The following TAFA1 variants were observed in gnomAD, a reference collection of about 807,000 sequenced individuals.
TAFA1 encodes TAFA chemokine like family member 1.
TAFA1 carries 4 observed loss-of-function variants against 18.5 expected under a neutral mutation model. That is an observed-to-expected ratio of 0.22 (90% CI 0.11 to 0.49). The LOEUF (loss-of-function observed/expected upper bound fraction) is 0.49, where lower values mean the gene tolerates loss of function less well. Among genes scored for constraint, TAFA1 ranks in the 20% least tolerant of loss-of-function variants. TAFA1 has a pLI of 0.98. For missense variants in TAFA1, 147 were observed against 169.0 expected (o/e 0.87, Z 0.72); for synonymous variants, 56 against 55.2 (o/e 1.01, Z -0.06).
chr3:68,511,688 T>C (rs2668156), intron 3 of TAFA1, among the ~76,000 whole-genome samples: 32,483 of 151,986 alleles, frequency 0.21, 3,579 homozygotes, highest in Middle Eastern at 0.23. Flanking sequence ...GATAGTTGAA[T>C]GTTTTCCTGG....
At chr3:68,393,220 A>G (rs2070299552) in intron 2 of TAFA1, among the ~76,000 whole-genome samples, 1 of 152,216 alleles carries the variant, frequency 6.6e-6, no homozygotes, top group Non-Finnish European at 1.5e-5. Flanking sequence ...AGAGAATACT[A>G]TAAACAACTG....
intron 2 of TAFA1, among the ~76,000 whole-genome samples, chr3:68,108,644 C>T (rs2065231044): frequency 6.6e-6 from 1 of 152,038 alleles, no homozygotes; most frequent in Non-Finnish European, 1.5e-5. Context: ...CAGCATAAAG[C>T]TTGACAAGCA....
At chr3:67,999,096 A>G in the TAFA1 span, among the ~76,000 whole-genome samples, 2 of 152,160 alleles carry the variant, frequency 1.3e-5, no homozygotes, top group African/African-American at 4.8e-5. Flanking sequence ...TATCAACCAG[A>G]TGTGGCTATT....
At chr3:68,079,395 T>G in intron 2 of TAFA1, among the ~76,000 whole-genome samples, 1 of 152,204 alleles carries the variant, frequency 6.6e-6, no homozygotes. Context: ...GTTCTTTTAA[T>G]TGTGATGTTA....
At chr3:68,467,056 C>T (rs1421738929) in intron 3 of TAFA1, among the ~76,000 whole-genome samples, 1 of 152,090 alleles carries the variant, frequency 6.6e-6, no homozygotes, top group Non-Finnish European at 1.5e-5. Flanking sequence ...ATTTCTCTTA[C>T]CCATTTTCGG....
chr3:68,468,355 C>T (rs982924513), intron 3 of TAFA1, among the ~76,000 whole-genome samples: 2 of 152,186 alleles, frequency 1.3e-5, no homozygotes, highest in Non-Finnish European at 2.9e-5. Flanking sequence ...GAAGAACATA[C>T]TTTTCTTTCA....
intron 2 of TAFA1, among the ~76,000 whole-genome samples, chr3:68,143,699 G>A (rs1359883800): frequency 6.6e-6 from 1 of 152,130 alleles, no homozygotes; most frequent in Non-Finnish European, 1.5e-5. Context: ...CCCTGGTTGA[G>A]AGCCACTGAG....
At chr3:68,296,607 C>A (rs1268575619) in intron 2 of TAFA1, among the ~76,000 whole-genome samples, 2 of 152,082 alleles carry the variant, frequency 1.3e-5, no homozygotes, top group Non-Finnish European at 2.9e-5. Flanking sequence ...CCTGCATAGG[C>A]CCTTAACAAA....
chr3:68,198,620 G>A (rs1277759867), intron 2 of TAFA1, among the ~76,000 whole-genome samples: 1 of 151,348 alleles, frequency 6.6e-6, no homozygotes, highest in Non-Finnish European at 1.5e-5. Context: ...TTTTTCTGAT[G>A]ACATATGATC....
chr3:68,149,607 T>G (rs2065781441), intron 2 of TAFA1, among the ~76,000 whole-genome samples: 2 of 152,146 alleles, frequency 1.3e-5, no homozygotes, highest in African/African-American at 4.8e-5. Flanking sequence ...GTTGTGGGAA[T>G]GAATAGAGCA....
chr3:68,275,682 T>A, intron 2 of TAFA1, among the ~76,000 whole-genome samples: 1 of 151,926 alleles, frequency 6.6e-6, no homozygotes. Context: ...GAGACCTGAA[T>A]GGGACAAAAG....
intron 3 of TAFA1, among the ~76,000 whole-genome samples, chr3:68,534,293 A>G (rs2073237240): frequency 6.6e-6 from 1 of 152,114 alleles, no homozygotes; most frequent in Admixed American, 6.6e-5. Context: ...TTGCTAGCCA[A>G]ATTTCTCTTC....
At chr3:68,353,716 A>G (rs2069312629) in intron 2 of TAFA1, among the ~76,000 whole-genome samples, 1 of 152,048 alleles carries the variant, frequency 6.6e-6, no homozygotes, top group South Asian at 2.1e-4. Flanking sequence ...GGGAAGGAAG[A>G]GGAAGCATTC....
chr3:68,263,949 A>G (rs1253322610), intron 2 of TAFA1, among the ~76,000 whole-genome samples: 3 of 152,204 alleles, frequency 2.0e-5, no homozygotes, highest in Non-Finnish European at 2.9e-5. Flanking sequence ...GCCAAATAAC[A>G]GCTATATAGA....
chr3:68,235,408 A>T (rs2066917063), intron 2 of TAFA1, among the ~76,000 whole-genome samples: 1 of 151,954 alleles, frequency 6.6e-6, no homozygotes, highest in African/African-American at 2.4e-5. Context: ...GTGTTATTTA[A>T]TTTTTTTTCA....
At chr3:68,202,927 T>A (rs2066484653) in intron 2 of TAFA1, among the ~76,000 whole-genome samples, 1 of 151,748 alleles carries the variant, frequency 6.6e-6, no homozygotes, top group Non-Finnish European at 1.5e-5. Flanking sequence ...TAGATCTTTT[T>A]AAATAGAGTT....
chr3:68,517,902 C>G (rs2072948861), intron 3 of TAFA1, among the ~76,000 whole-genome samples: 1 of 150,230 alleles, frequency 6.7e-6, no homozygotes. Flanking sequence ...ATATACCCAG[C>G]CTTATCTGCT....
At chr3:68,529,070 T>G (rs2073148787) in intron 3 of TAFA1, among the ~76,000 whole-genome samples, 1 of 152,022 alleles carries the variant, frequency 6.6e-6, no homozygotes, top group South Asian at 2.1e-4. Flanking sequence ...GAAATCCATC[T>G]TGACCTACCC....
chr3:68,207,829 C>T (rs11711058), intron 2 of TAFA1, among the ~76,000 whole-genome samples: 29,290 of 151,860 alleles, frequency 0.19, 3,549 homozygotes, highest in Middle Eastern at 0.29. Context: ...TTGTTATTCC[C>T]ATTTTTTGAA....
Sources: gnomAD v4.1 joint callset for allele counts (sites outside exome capture counted in the v4.1 genomes callset) on GRCh38, gnomAD v4.1.1 for gene constraint, MANE v1.5 for transcripts, NCBI Gene and HGNC (gene_info 2026-07-23, HGNC 2026-07-21) for gene names.